Variants in PRMT8 observed in about 807,000 individuals in gnomAD.
The protein encoded by PRMT8 is protein arginine N-methyltransferase 8.
In PRMT8, 7 loss-of-function variants were observed where a neutral mutation model predicts 47.1. That is an observed-to-expected ratio of 0.15 (90% CI 0.08 to 0.28). The LOEUF (loss-of-function observed/expected upper bound fraction) is 0.28, where lower values mean the gene tolerates loss of function less well. Ranked by LOEUF, PRMT8 falls within the 10% of genes least tolerant of loss-of-function variation. The pLI is 1.00. For missense variants in PRMT8, 237 were observed against 505.4 expected (o/e 0.47, Z 5.09); for synonymous variants, 188 against 186.5 (o/e 1.01, Z -0.07).
intron 1 of PRMT8, among the ~76,000 whole-genome samples, chr12:3,445,947 AC>A (rs375378157): frequency 6.6e-6 from 1 of 152,186 alleles, no homozygotes; most frequent in East Asian, 1.9e-4. Flanking sequence ...GGTAGGGGGT[AC>A]CCATATGATT....
At chr12:3,519,592 T>C (rs1415960330) in intron 1 of PRMT8, among the ~76,000 whole-genome samples, 2 of 152,072 alleles carry the variant, frequency 1.3e-5, no homozygotes, top group Non-Finnish European at 2.9e-5. Flanking sequence ...TAGAAAGCAT[T>C]GAGGATGTGG....
intron 8 of PRMT8, among the ~76,000 whole-genome samples, chr12:3,586,190 G>A (rs1200759430): frequency 1.2e-4 from 19 of 152,118 alleles, no homozygotes; most frequent in Admixed American, 1.2e-3. Context: ...TGGCTCCCTG[G>A]CTCTGGGGTG....
chr12:3,413,721 C>T (rs375180224), intron 1 of PRMT8, among the ~76,000 whole-genome samples: 3 of 151,742 alleles, frequency 2.0e-5, no homozygotes, highest in South Asian at 2.1e-4. Context: ...TGCGGTGTGT[C>T]GTTGACCAAA....
At chr12:3,533,183 A>T (rs574824202) in intron 1 of PRMT8, among the ~76,000 whole-genome samples, 19 of 152,316 alleles carry the variant, frequency 1.2e-4, no homozygotes, top group African/African-American at 4.3e-4. Context: ...TGCCCCCAAC[A>T]TCCAGGCCTG....
At chr12:3,407,115 AAGG>A (rs1404399188) in intron 1 of PRMT8, among the ~76,000 whole-genome samples, 2 of 152,182 alleles carry the variant, frequency 1.3e-5, no homozygotes, top group East Asian at 3.9e-4. Context: ...TGGTGGCAGG[AAGG>A]AGAAGTGCTG....
chr12:3,424,267 G>C (rs187346849), intron 1 of PRMT8, among the ~76,000 whole-genome samples: 62 of 152,276 alleles, frequency 4.1e-4, no homozygotes, highest in African/African-American at 1.4e-3. Context: ...GGATTAAGGG[G>C]ATTGGTTATT....
intron 1 of PRMT8, among the ~76,000 whole-genome samples, chr12:3,382,346 A>G (rs1303602283): frequency 6.6e-6 from 1 of 152,144 alleles, no homozygotes; most frequent in Non-Finnish European, 1.5e-5. Flanking sequence ...TTACATTTTC[A>G]CCAGCAATTT....
rs1397440851 is a variant in PRMT8 at position 3,492,851 on chromosome 12, T to C, written c.75+1151T>C. Among the ~76,000 whole-genome samples the C allele has an allele frequency of 6.7e-6, 1 of 149,966 alleles. No individual in the cohort carries two copies. Among genetic ancestry groups the C allele is most frequent in the African/African-American group, 2.5e-5 (1 of 40,714 alleles). The stretch of plus-strand genomic sequence containing the variant: ...CAAACTCCCAGGCTCTATTAATAGC[T>C]GGGTGTCTGGTGGGGCTGCCGCACA... On this transcript the variant is annotated intron_variant, in intron 1 of 9. Coordinates refer to ENST00000382622, the MANE Select transcript of PRMT8 (RefSeq NM_019854.5). This position sits in a 1 kb window ranked among gnomAD's most constrained non-coding sequence, Gnocchi z 7.5.
intron 1 of PRMT8, among the ~76,000 whole-genome samples, chr12:3,477,179 C>T (rs1016416647): frequency 2.0e-5 from 3 of 152,210 alleles, no homozygotes; most frequent in African/African-American, 7.2e-5. Flanking sequence ...TTTTAGAAAC[C>T]TGTTTCCTGG....
intron 1 of PRMT8, among the ~76,000 whole-genome samples, chr12:3,444,056 C>T (rs531268522): frequency 2.6e-5 from 4 of 152,334 alleles, no homozygotes; most frequent in South Asian, 4.1e-4. Flanking sequence ...TTATGTACAA[C>T]ACCATCTAAA....
At chr12:3,589,108 A>G (rs1867243318) in intron 8 of PRMT8, among the ~76,000 whole-genome samples, 1 of 152,222 alleles carries the variant, frequency 6.6e-6, no homozygotes, top group African/African-American at 2.4e-5. Context: ...GCCTGATGCA[A>G]TGGCTTAGTA....
intron 2 of PRMT8, among the ~76,000 whole-genome samples, chr12:3,543,248 G>A (rs533646595): frequency 3.3e-5 from 5 of 152,210 alleles, no homozygotes; most frequent in East Asian, 1.9e-4. Context: ...CCTTCCCCCC[G>A]AGGTCTCCTT....
At chr12:3,420,031 CAGACAG>C (rs754554069) in intron 1 of PRMT8, among the ~76,000 whole-genome samples, 8,358 of 40,320 alleles carry the variant, frequency 0.21, 267 homozygotes, top group Non-Finnish European at 0.22. Context: ...GAGAGAGAGA[CAGACAG>C]AGAGAGAGAG....
rs937036874 is a variant in PRMT8, at chr12:3,538,373, G to A, written c.76-2233G>A. The A allele has an allele frequency of 1.3e-5, 4 of 302,854 alleles. No individual in the cohort carries two copies. The highest frequency in any genetic ancestry group is 2.0e-5 in the Non-Finnish European group (3 of 152,144). 18.8% of individuals were successfully genotyped at this position (302,854 alleles called of 1,614,324 possible). On this transcript the variant is annotated intron_variant, in intron 1 of 9. Coordinates refer to ENST00000382622, the MANE Select transcript of PRMT8 (RefSeq NM_019854.5). This position sits in a 1 kb window ranked among gnomAD's most constrained non-coding sequence, Gnocchi z 4.6. ...CACGTCTATTTCTTCCACAGGACCTGCACGCTGCCTTGCTGTTGGAGATCT... is the reference window on the plus strand; with the variant it reads ...CACGTCTATTTCTTCCACAGGACCTACACGCTGCCTTGCTGTTGGAGATCT...
intron 1 of PRMT8, among the ~76,000 whole-genome samples, chr12:3,437,209 T>TCA (rs1197644794): frequency 6.6e-6 from 1 of 151,992 alleles, no homozygotes; most frequent in Non-Finnish European, 1.5e-5. Flanking sequence ...AAATATATAT[T>TCA]TATATATATC....
In PRMT8 at chr12:3,495,643, A is replaced by G. The variant is rs148479312; in HGVS notation, c.75+3943A>G. 2.2e-4 allele frequency among the ~76,000 whole-genome samples: 34 copies of G among 152,242 alleles called. No homozygotes were observed. The East Asian group carries it at 6.2e-3, about 28-fold the overall frequency. Reference sequence around the variant, plus strand: ...TAATTGGCTTTTTGTGTGTCTATTTATATGTCTATTAGATAATGCACTTTT... The same window carrying G: ...TAATTGGCTTTTTGTGTGTCTATTTGTATGTCTATTAGATAATGCACTTTT... On this transcript the variant is annotated intron_variant, in intron 1 of 9. Transcript: ENST00000382622.
intron 1 of PRMT8, among the ~76,000 whole-genome samples, chr12:3,479,431 AT>A (rs907968274): frequency 1.1e-4 from 17 of 152,060 alleles, no homozygotes; most frequent in East Asian, 1.9e-4. Context: ...GACTTGGCTA[AT>A]TTTTTTTAGT....
At chr12:3,498,702 T>C (rs1411595241) in intron 1 of PRMT8, among the ~76,000 whole-genome samples, 1 of 152,244 alleles carries the variant, frequency 6.6e-6, no homozygotes, top group South Asian at 2.1e-4. Flanking sequence ...CTCATCCAGC[T>C]ACTTTATTGG....
chr12:3,491,594 A>G lies in PRMT8; in HGVS notation c.-32A>G, dbSNP rs771314420. The G allele has an allele frequency of 2.5e-6, 4 of 1,604,470 alleles. No homozygotes were observed. Among genetic ancestry groups the G allele is most frequent in the South Asian group, 2.2e-5 (2 of 89,744 alleles). On this transcript the variant is annotated 5_prime_UTR_variant, in exon 1 of 10. Transcript: ENST00000382622. ...CACCAGCTCTCTCTCCTCCTCTACTATCTCGGTATCACCAAACCCTTGCCG... is the reference window on the plus strand; with the variant it reads ...CACCAGCTCTCTCTCCTCCTCTACTGTCTCGGTATCACCAAACCCTTGCCG...
Sources: gnomAD v4.1 joint callset for allele counts (sites outside exome capture counted in the v4.1 genomes callset) on GRCh38, gnomAD v4.1.1 for gene constraint, Gnocchi (gnomAD v3.1) non-coding constraint, MANE v1.5 for transcripts, NCBI Gene and HGNC (gene_info 2026-07-23, HGNC 2026-07-21) for gene names.